Variants in LARP4B observed in about 807,000 individuals in gnomAD.
The protein encoded by LARP4B is La ribonucleoprotein 4B.
LARP4B carries 12 observed loss-of-function variants against 89.8 expected under a neutral mutation model. The ratio of observed to expected loss-of-function variants is 0.13; its 90% CI spans 0.09 to 0.22. The LOEUF is 0.22. Among genes scored for constraint, LARP4B ranks in the 10% least tolerant of loss-of-function variants. The pLI, the probability that LARP4B is intolerant of heterozygous loss-of-function variation, is 1.00. For missense variants in LARP4B, 757 were observed against 947.7 expected, an observed-to-expected ratio of 0.80 and a Z score of 2.64; for synonymous variants, 367 against 363.3, an observed-to-expected ratio of 1.01 and a Z score of -0.12.
chr10:885,110 T>A (rs776801818), intron 2 of LARP4B, among the ~76,000 whole-genome samples: 9 of 152,164 alleles, frequency 5.9e-5, no homozygotes, highest in Non-Finnish European at 1.2e-4. Context: ...AGAATTCTCC[T>A]TGCCCCTTCT....
In LARP4B at chr10:817,726, C is replaced by T; in HGVS notation, c.1694G>A (p.Arg565Lys). The T allele has an allele frequency of 6.2e-7, 1 of 1,613,818 alleles. No individual in the cohort carries two copies. Among genetic ancestry groups the T allele is most frequent in the South Asian group, 1.1e-5 (1 of 91,062 alleles). ...TTAGACATGCAATATATCCCTTACC[C>T]TTTCTTTGGATGGTCCTATTATCAA... ...SSLIIGPSKERTLSADASVNT... is the reference protein window; with the variant it reads ...SSLIIGPSKEKTLSADASVNT... Residue 565 changes from arginine to lysine, a missense_variant and splice_region_variant, in exon 15 of 18, where the codon AGG becomes AAG. Around this residue, in one of 5 missense-constraint regions of LARP4B, gnomAD observed 387 missense variants for 423.6 expected, o/e 0.91. Transcript: ENST00000316157.
chr10:841,382 A>G (rs1380619992), intron 7 of LARP4B, among the ~76,000 whole-genome samples: 1 of 152,218 alleles, frequency 6.6e-6, no homozygotes, highest in East Asian at 1.9e-4. Flanking sequence ...GCTCAGTGCA[A>G]ATGGATAAAA....
chr10:844,713 C>T (rs1044648738), intron 6 of LARP4B, among the ~76,000 whole-genome samples: 20 of 152,052 alleles, frequency 1.3e-4, no homozygotes, highest in Non-Finnish European at 2.4e-4. Context: ...GTGAGGAAGT[C>T]TGACTCGGCA....
chr10:848,799 T>G (rs1405034291), intron 5 of LARP4B, among the ~76,000 whole-genome samples: 2 of 152,190 alleles, frequency 1.3e-5, no homozygotes, highest in Non-Finnish European at 2.9e-5. Context: ...CAGACCCTGG[T>G]ATAGTCAGCC....
chr10:946,630 A>C, the LARP4B span, among the ~76,000 whole-genome samples: 1 of 152,070 alleles, frequency 6.6e-6, no homozygotes, highest in Non-Finnish European at 1.5e-5. Flanking sequence ...CTCTCTCTCT[A>C]AATTTTGGCA....
At chr10:842,789 G>T in intron 7 of LARP4B, 143 bp downstream of exon 7, 1 of 702,038 alleles carries the variant, frequency 1.4e-6, no homozygotes, top group Non-Finnish European at 2.3e-6. Flanking sequence ...TTGGACCTGG[G>T]CAGAAAGGAA....
chr10:872,983 G>GC, intron 3 of LARP4B: 1 of 975,860 alleles, frequency 1.0e-6, no homozygotes, highest in Non-Finnish European at 1.2e-6. Context: ...TGGCTCCACT[G>GC]CCAGTACGGT....
At chr10:940,399 C>G in the LARP4B span, among the ~76,000 whole-genome samples, 3 of 152,312 alleles carry the variant, frequency 2.0e-5, no homozygotes, top group African/African-American at 7.2e-5. Flanking sequence ...AGTGATCCTC[C>G]CACCTTGGCC....
chr10:853,792 C>T (rs1185158120), intron 5 of LARP4B, among the ~76,000 whole-genome samples: 1 of 152,206 alleles, frequency 6.6e-6, no homozygotes, highest in African/African-American at 2.4e-5. Context: ...TGAGGGCTGA[C>T]TGTTCAGGAT....
the LARP4B span, among the ~76,000 whole-genome samples, chr10:949,584 C>T: frequency 7.2e-5 from 11 of 151,806 alleles, no homozygotes; most frequent in East Asian, 1.5e-3. Flanking sequence ...GTGATCTGCT[C>T]TCCCCGTCCT....
intron 4 of LARP4B, 33 bp downstream of exon 4, chr10:864,089 AG>A: frequency 6.2e-7 from 1 of 1,612,646 alleles, no homozygotes. Context: ...GCCTGAAAGC[AG>A]GGGGCTGCAC....
At chr10:890,823 G>C (rs895465640) in intron 1 of LARP4B, among the ~76,000 whole-genome samples, 1 of 152,070 alleles carries the variant, frequency 6.6e-6, no homozygotes, top group Non-Finnish European at 1.5e-5. Context: ...CTCCCTGAGG[G>C]GGTTTTCTAC....
At chr10:834,662 T>G (rs1170590722) in intron 8 of LARP4B, among the ~76,000 whole-genome samples, 1 of 152,194 alleles carries the variant, frequency 6.6e-6, no homozygotes, top group Non-Finnish European at 1.5e-5. Context: ...AAGACTTTCA[T>G]TGCTCAAGTT....
chr10:833,311 G>A (rs1214357861), intron 8 of LARP4B, among the ~76,000 whole-genome samples: 8 of 120,138 alleles, frequency 6.7e-5, no homozygotes, highest in African/African-American at 2.5e-4. Flanking sequence ...GAAAGTTTAC[G>A]CATTTGTGTT....
intron 5 of LARP4B, among the ~76,000 whole-genome samples, chr10:852,489 A>G (rs556673841): frequency 3.3e-5 from 5 of 152,390 alleles, no homozygotes; most frequent in Non-Finnish European, 7.3e-5. Context: ...ATCAACATAT[A>G]AAGGGCACAG....
chr10:969,309 T>C, the LARP4B span, among the ~76,000 whole-genome samples: 1 of 152,194 alleles, frequency 6.6e-6, no homozygotes, highest in African/African-American at 2.4e-5. Flanking sequence ...CAAGTGACGG[T>C]TCAGACTTTG....
At chr10:877,984 C>T (rs1289612217) in intron 3 of LARP4B, among the ~76,000 whole-genome samples, 8 of 152,154 alleles carry the variant, frequency 5.3e-5, no homozygotes, top group African/African-American at 1.7e-4. Context: ...ATGGGGCTCG[C>T]TGAGAAGGTG....
At chr10:975,587 G>T in the LARP4B span, among the ~76,000 whole-genome samples, 12 of 152,228 alleles carry the variant, frequency 7.9e-5, no homozygotes, top group Non-Finnish European at 1.8e-4. Flanking sequence ...GTGGCGAATC[G>T]TCTGAATGCA....
the LARP4B span, among the ~76,000 whole-genome samples, chr10:956,343 CT>C: frequency 3.1e-4 from 45 of 146,264 alleles, no homozygotes; most frequent in East Asian, 7.9e-4. The surrounding 1 kb of genome is among the most constrained non-coding windows in gnomAD (Gnocchi z 4.3). Context: ...CTCAGAAATT[CT>C]TTTTTTTTTT....
Sources: gnomAD v4.1 joint callset for allele counts (sites outside exome capture counted in the v4.1 genomes callset) on GRCh38, gnomAD v4.1.1 for gene constraint, gnomAD v4.1.1 regional missense constraint, Gnocchi (gnomAD v3.1) non-coding constraint, MANE v1.5 for transcripts, NCBI Gene and HGNC (gene_info 2026-07-23, HGNC 2026-07-21) for gene names.